The following DYNLRB1 variants were observed in gnomAD, a reference collection of about 807,000 sequenced individuals.
The protein encoded by DYNLRB1 is ROBL/LC7-like 1.
In DYNLRB1, 6 loss-of-function variants were observed where a neutral mutation model predicts 13.5. The ratio of observed to expected loss-of-function variants is 0.44; its 90% CI spans 0.24 to 0.88. The LOEUF is 0.88. Ranked by LOEUF, DYNLRB1 falls within the 40% of genes least tolerant of loss-of-function variation. The pLI is 0.21. For missense variants in DYNLRB1, 93 were observed against 127.2 expected (o/e 0.73, Z 1.29); for synonymous variants, 43 against 45.0 (o/e 0.96, Z 0.18).
At chr20:34,537,985 CTTTTTTTTT>C (rs67763754) in intron 3 of DYNLRB1, among the ~76,000 whole-genome samples, 1 of 94,876 alleles carries the variant, frequency 1.1e-5, no homozygotes, top group African/African-American at 4.3e-5. Context: ...CGTGAACAGG[CTTTTTTTTT>C]TTTTTTTTTT....
At chr20:34,529,889 C>CA (rs1980569307) in intron 2 of DYNLRB1, 2 of 1,524,024 alleles carry the variant, frequency 1.3e-6, no homozygotes, top group African/African-American at 2.8e-5. Flanking sequence ...GAGACAGGAG[C>CA]AGGCCCCCTG....
intron 2 of DYNLRB1, among the ~76,000 whole-genome samples, chr20:34,531,863 A>C: frequency 6.6e-6 from 1 of 152,222 alleles, no homozygotes; most frequent in East Asian, 1.9e-4. Flanking sequence ...ACCAAAGTGG[A>C]AATCATGAGT....
At chr20:34,531,654 A>C (rs967875060) in intron 2 of DYNLRB1, among the ~76,000 whole-genome samples, 2 of 152,234 alleles carry the variant, frequency 1.3e-5, no homozygotes, top group Non-Finnish European at 2.9e-5. Flanking sequence ...ACCAATAGCA[A>C]TAAAAGCTTA....
chr20:34,516,802 A>G, intron 1 of DYNLRB1: 3 of 1,549,888 alleles, frequency 1.9e-6, no homozygotes, highest in Non-Finnish European at 2.6e-6. Context: ...GTTTCCCGGG[A>G]GCTCAGTTTG....
chr20:34,518,350 T>C (rs1389422671), intron 1 of DYNLRB1, among the ~76,000 whole-genome samples: 1 of 152,168 alleles, frequency 6.6e-6, no homozygotes, highest in Non-Finnish European at 1.5e-5. Flanking sequence ...TCTGAGTCTT[T>C]TGTGGTTCCA....
At chr20:34,531,395 G>C (rs761327697) in intron 2 of DYNLRB1, among the ~76,000 whole-genome samples, 1 of 152,174 alleles carries the variant, frequency 6.6e-6, no homozygotes, top group Non-Finnish European at 1.5e-5. Flanking sequence ...CTAATAACTA[G>C]GCCGTCTCAG....
At position 34,516,787 on chromosome 20, in the gene DYNLRB1, G is replaced by T. The variant is rs2424993; in HGVS notation, c.3+326G>T. 1.9e-6 allele frequency: 3 copies of T among 1,549,618 alleles called. No homozygotes were observed. In the South Asian group the frequency reaches 3.6e-5, roughly 18 times the overall value. On this transcript the variant is annotated intron_variant, in intron 1 of 3. Coordinates refer to ENST00000357156, the MANE Select transcript of DYNLRB1 (RefSeq NM_014183.4). ...GCCTTGGTGCGCGATGGCAACCCTG[G>T]CAACGTTTCCCGGGAGCTCAGTTTG...
At chr20:34,530,217 C>G in intron 2 of DYNLRB1, 1 of 1,117,442 alleles carries the variant, frequency 8.9e-7, no homozygotes, top group Non-Finnish European at 1.1e-6. Flanking sequence ...GCCCTAGCTG[C>G]TTACCTTTTG....
chr20:34,535,250 G>A (rs1466427177), intron 3 of DYNLRB1: 1 of 985,472 alleles, frequency 1.0e-6, no homozygotes, highest in Non-Finnish European at 1.2e-6. Flanking sequence ...TCTCCAAAAT[G>A]TAAAGCAAAA....
chr20:34,535,546 C>T (rs1019539093), intron 3 of DYNLRB1: 18 of 832,386 alleles, frequency 2.2e-5, no homozygotes, highest in Middle Eastern at 6.2e-4. Flanking sequence ...GCCCGGCTCC[C>T]TCGCTCTCAC....
At chr20:34,529,731 A>C in intron 2 of DYNLRB1, 1 of 624,996 alleles carries the variant, frequency 1.6e-6, no homozygotes, top group Non-Finnish European at 2.1e-6. Flanking sequence ...CTCGGTCTCA[A>C]AAAAAAAAAA....
At position 34,516,611 on chromosome 20, in the gene DYNLRB1, G is replaced by A. The variant is rs1032301965; in HGVS notation, c.3+150G>A. On this transcript the variant is annotated intron_variant, in intron 1 of 3. Transcript: ENST00000357156. ...GGGCCCGGGCCCCAGCCGACTTGAG[G>A]GTGGAACCCGGCGGCGGAGGCCTCT... 7.3e-6 allele frequency: 11 copies of A among 1,506,514 alleles called. No individual in the cohort carries two copies. The South Asian group carries it at 1.3e-4, about 18-fold the overall frequency. 93.3% of individuals were successfully genotyped at this position (1,506,514 alleles called of 1,614,324 possible). A position where few individuals can be genotyped will look rare whatever the true frequency, so the allele number is the denominator to read the frequency against.
At chr20:34,533,956 G>T (rs553693760) in intron 2 of DYNLRB1, among the ~76,000 whole-genome samples, 1 of 152,296 alleles carries the variant, frequency 6.6e-6, no homozygotes, top group South Asian at 2.1e-4. Flanking sequence ...GGCAAACATG[G>T]TGAAACCTTG....
At chr20:34,536,535 A>G (rs1224867223) in intron 3 of DYNLRB1, 1 of 945,118 alleles carries the variant, frequency 1.1e-6, no homozygotes. Flanking sequence ...TCACAAGGTC[A>G]GGAGTTCAAG....
chr20:34,519,586 AT>A (rs1478999153), intron 1 of DYNLRB1, among the ~76,000 whole-genome samples: 2 of 152,180 alleles, frequency 1.3e-5, no homozygotes, highest in Non-Finnish European at 2.9e-5. Context: ...TCACTTAAAA[AT>A]ATCACACATT....
At chr20:34,535,708 C>T in intron 3 of DYNLRB1, 1 of 985,334 alleles carries the variant, frequency 1.0e-6, no homozygotes, top group Non-Finnish European at 1.2e-6. Flanking sequence ...TGCCGCTTAT[C>T]TAGGGCATCA....
intron 2 of DYNLRB1, among the ~76,000 whole-genome samples, chr20:34,529,070 C>T (rs2146636261): frequency 6.6e-6 from 1 of 152,230 alleles, no homozygotes; most frequent in Admixed American, 6.5e-5. Flanking sequence ...CAGGATTTAC[C>T]AGCAGCCCTG....
At chr20:34,516,824 G>C in intron 1 of DYNLRB1, 3 of 1,549,512 alleles carry the variant, frequency 1.9e-6, no homozygotes, top group Non-Finnish European at 2.6e-6. Flanking sequence ...GGCAGGCTCT[G>C]CCAAGCACTT....
At chr20:34,535,472 G>A (rs1430295108) in intron 3 of DYNLRB1, 2 of 781,088 alleles carry the variant, frequency 2.6e-6, no homozygotes, top group Non-Finnish European at 3.1e-6. Flanking sequence ...GTGAGGAGAT[G>A]CTCATTCTGG....
Sources: allele counts gnomAD v4.1 joint callset (sites outside exome capture counted in the v4.1 genomes callset), GRCh38; gene constraint gnomAD v4.1.1; transcripts MANE v1.5; gene names NCBI Gene and HGNC (gene_info 2026-07-23, HGNC 2026-07-21).